Variants in USP28 observed in about 807,000 individuals in gnomAD.
USP28 encodes ubiquitin specific peptidase 28, also known as ubiquitin carboxyl-terminal hydrolase 28.
In USP28, 113 loss-of-function variants were observed where a neutral mutation model predicts 145.0. The ratio of observed to expected loss-of-function variants is 0.78; its 90% confidence interval spans 0.67 to 0.91. The LOEUF is 0.91. Among genes scored for constraint, USP28 ranks in the 40% least tolerant of loss-of-function variants. USP28 has a pLI of 0.00. For missense variants in USP28, 1,201 were observed against 1,289.6 expected (o/e 0.93, Z 1.05); for synonymous variants, 447 against 450.9 (o/e 0.99, Z 0.11).
chr11:113,812,214 G>T, intron 16 of USP28, 62 bp downstream of exon 16: 3 of 1,315,396 alleles, frequency 2.3e-6, no homozygotes, highest in Non-Finnish European at 3.3e-6. Context: ...GTACAAGACT[G>T]TTCTTCTCCC....
rs138036246 is a variant in USP28, at chr11:113,841,565, G to A, written c.374+98C>T. The A allele has an allele frequency of 6.5e-3, 4,630 of 711,344 alleles. 26 individuals are homozygous for A. The highest frequency in any genetic ancestry group is 0.012 in the Middle Eastern group (49 of 4,002). 44.1% of individuals were successfully genotyped at this position (711,344 alleles called of 1,614,324 possible). On this transcript the variant is annotated intron_variant, in intron 4 of 24. Transcript: ENST00000003302. ...TTCTCCTAAAAGAAATGTCATTCAG[G>A]TGCTTAACAGAATTATTCCTGAGTG...
intron 14 of USP28, 112 bp downstream of exon 14, chr11:113,815,062 A>C: frequency 3.2e-6 from 3 of 939,500 alleles, no homozygotes; most frequent in South Asian, 3.5e-5. Flanking sequence ...GGCGGGGGGG[A>C]AATTCTGTAG....
chr11:113,873,749 A>T (rs1949048809), intron 1 of USP28, among the ~76,000 whole-genome samples: 1 of 76,544 alleles, frequency 1.3e-5, no homozygotes, highest in South Asian at 6.1e-4. Context: ...TTCAATAGGC[A>T]CTTGTGAACA....
chr11:113,805,140 T>TA (rs2135210656), intron 19 of USP28, 94 bp from the exon 21 acceptor site: 2 of 1,130,924 alleles, frequency 1.8e-6, no homozygotes, highest in Non-Finnish European at 2.4e-6. Context: ...CTCTTGACTC[T>TA]AAAAAGACTT....
At chr11:113,874,933 C>CG in intron 1 of USP28, 1 of 600,190 alleles carries the variant, frequency 1.7e-6, no homozygotes, top group Non-Finnish European at 2.1e-6. Flanking sequence ...TTTTTAAAGC[C>CG]GGGTTGGGAG....
intron 3 of USP28, among the ~76,000 whole-genome samples, chr11:113,845,097 G>T (rs1281731499): frequency 6.9e-6 from 1 of 145,930 alleles, no homozygotes; most frequent in African/African-American, 2.5e-5. Context: ...TCCAACCTGG[G>T]TAACAGTGAG....
chr11:113,820,673 C>A (rs1169064178), intron 12 of USP28, among the ~76,000 whole-genome samples: 1 of 152,196 alleles, frequency 6.6e-6, no homozygotes, highest in East Asian at 1.9e-4. Context: ...CTTAACCAGA[C>A]ACAGGACATA....
exon 15 of USP28, chr11:113,813,893 G>C: frequency 6.2e-7 from 1 of 1,612,572 alleles, no homozygotes; most frequent in South Asian, 1.1e-5. Flanking sequence ...ACCTGACGAA[G>C]GAGAGGATCG....
At chr11:113,829,517 C>T (rs1426285089) in intron 9 of USP28, 172 bp from the exon 10 acceptor site, 22 of 719,118 alleles carry the variant, frequency 3.1e-5, no homozygotes, top group Non-Finnish European at 4.6e-5. Flanking sequence ...AGACACTGAA[C>T]AATGAAAACC....
At chr11:113,809,418 T>C (rs776027877) in intron 16 of USP28, among the ~76,000 whole-genome samples, 164 bp from the exon 17 acceptor site, 2 of 152,226 alleles carry the variant, frequency 1.3e-5, no homozygotes, top group Non-Finnish European at 2.9e-5. Flanking sequence ...TCCAAAATGA[T>C]TGGGACTAGA....
intron 1 of USP28, among the ~76,000 whole-genome samples, chr11:113,856,329 G>T (rs1449643717): frequency 3.3e-5 from 5 of 152,112 alleles, no homozygotes; most frequent in Admixed American, 1.3e-4. Flanking sequence ...TACCAAACTA[G>T]CGTCAAGAAG....
intron 24 of USP28, among the ~76,000 whole-genome samples, chr11:113,801,119 C>T (rs967117870): frequency 6.6e-6 from 1 of 152,214 alleles, no homozygotes; most frequent in African/African-American, 2.4e-5. Context: ...GCTGGGATTA[C>T]AGGTGTGAGC....
At chr11:113,829,975 G>C (rs577708338) in intron 9 of USP28, among the ~76,000 whole-genome samples, 1 of 152,114 alleles carries the variant, frequency 6.6e-6, no homozygotes, top group Non-Finnish European at 1.5e-5. Flanking sequence ...TTTATAAGAG[G>C]AGGAATAGAG....
At chr11:113,807,784 C>T (rs1940264664) in intron 18 of USP28, among the ~76,000 whole-genome samples, 167 bp downstream of exon 19, 1 of 152,054 alleles carries the variant, frequency 6.6e-6, no homozygotes, top group Non-Finnish European at 1.5e-5. Context: ...AGAAACATGG[C>T]TATCTTTTAA....
At chr11:113,808,977 C>T (rs1940506736) in intron 17 of USP28, 86 bp downstream of exon 17, 1 of 1,347,890 alleles carries the variant, frequency 7.4e-7, no homozygotes, top group Non-Finnish European at 1.0e-6. Flanking sequence ...GTGGCATCAC[C>T]TAGCCAGCTG....
At chr11:113,841,591 G>T in intron 4 of USP28, 72 bp downstream of exon 4, 1 of 872,526 alleles carries the variant, frequency 1.1e-6, no homozygotes, top group Non-Finnish European at 1.8e-6. Context: ...TTCCTGAGTG[G>T]CATTCACAGA....
chr11:113,854,776 C>T lies in USP28; in HGVS notation c.58-441G>A, dbSNP rs147775284. Among the ~76,000 whole-genome samples the T allele has an allele frequency of 1.7e-3, 259 of 152,214 alleles. 1 individual carries two copies. Among genetic ancestry groups the T allele is most frequent in the African/African-American group, 5.8e-3 (241 of 41,530 alleles). On this transcript the variant is annotated intron_variant, in intron 1 of 24. Transcript: ENST00000003302. ...TGGCTGTCAGAAATATTCTGAAATG[C>T]CAAATCTATTTCTCTTTTAAAAGTT...
chr11:113,808,530 T>G, intron 17 of USP28, 93 bp from the exon 18 acceptor site: 1 of 1,368,172 alleles, frequency 7.3e-7, no homozygotes, highest in Non-Finnish European at 9.9e-7. Flanking sequence ...CAGTTTAATA[T>G]ACAACCCTGT....
exon 10 of USP28, chr11:113,829,245 A>T (rs1467491461): frequency 6.2e-7 from 1 of 1,613,904 alleles, no homozygotes; most frequent in East Asian, 2.2e-5. Context: ...GCTCAACATC[A>T]CCCTCCACCA....
Sources: allele counts gnomAD v4.1 joint callset (sites outside exome capture counted in the v4.1 genomes callset), GRCh38; gene constraint gnomAD v4.1.1; transcripts MANE v1.5; gene names NCBI Gene and HGNC (gene_info 2026-07-23, HGNC 2026-07-21).